Variants in UBIAD1 observed in about 807,000 individuals in gnomAD.
The protein encoded by UBIAD1 is UbiA prenyltransferase domain containing 1.
Under a neutral mutation model 20.1 loss-of-function variants are expected in UBIAD1, and 12 were observed. The ratio of observed to expected loss-of-function variants is 0.60; its 90% CI spans 0.38 to 0.97. The LOEUF is 0.97. UBIAD1 is among the 50% of genes least tolerant of loss of function. The pLI is 0.00. For synonymous variants in UBIAD1, 207 were observed against 189.2 expected, an observed-to-expected ratio of 1.09 and a Z score of -0.77; for missense variants, 333 against 419.5, an observed-to-expected ratio of 0.79 and a Z score of 1.80.
chr1:11,292,027 G>C (rs1010009328), downstream of UBIAD1: 9 of 151,702 alleles, frequency 5.9e-5, no homozygotes. Context: ...TTTTGAGACG[G>C]AGTTTCGCTC....
intron 1 of UBIAD1, among the ~76,000 whole-genome samples, chr1:11,276,525 G>A (rs753813580): frequency 4.0e-5 from 6 of 151,740 alleles, no homozygotes; most frequent in Admixed American, 1.3e-4. Context: ...TTAGCCAGGC[G>A]TGGTGGCATG....
In UBIAD1 at chr1:11,274,122, T is replaced by A. The variant is rs1651904002; in HGVS notation, c.529+62T>A. 9 of 1,600,424 alleles carry A rather than the reference T, an allele frequency of 5.6e-6. No individual in the cohort carries two copies. The Admixed American group carries it at 1.0e-4, about 18-fold the overall frequency. ...GTCGCGTCCACTGGAAACCGCTGCT[T>A]TGTAAAGGAGTTATAGGGATGTCAA... On this transcript the variant is annotated intron_variant, in intron 1 of 1. Coordinates refer to ENST00000376810, the MANE Select transcript of UBIAD1 (RefSeq NM_013319.3).
At chr1:11,296,547 C>G (rs1197437497), downstream of UBIAD1, among the ~76,000 whole-genome samples, 3 of 152,180 alleles carry the variant, frequency 2.0e-5, no homozygotes, top group African/African-American at 7.2e-5. Flanking sequence ...GAGACAGGAT[C>G]TCACTCTGTA....
At chr1:11,289,101 T>C (rs989242972), downstream of UBIAD1, among the ~76,000 whole-genome samples, 1 of 152,148 alleles carries the variant, frequency 6.6e-6, no homozygotes, top group Non-Finnish European at 1.5e-5. Flanking sequence ...CATTGGACAA[T>C]ATATCCTATG....
At chr1:11,278,395 C>T (rs1652129249) in intron 1 of UBIAD1, among the ~76,000 whole-genome samples, 1 of 152,142 alleles carries the variant, frequency 6.6e-6, no homozygotes, top group Admixed American at 6.5e-5. Flanking sequence ...ATGACAGTAC[C>T]TTAACAAGAG....
chr1:11,286,093 A>G lies in UBIAD1; in HGVS notation c.979A>G (p.Ile327Val), dbSNP rs1638258394. The G allele has an allele frequency of 6.2e-7, 1 of 1,614,222 alleles. No individual in the cohort carries two copies. Among genetic ancestry groups the G allele is most frequent in the Non-Finnish European group, 8.5e-7 (1 of 1,180,044 alleles). Residue 327 changes from isoleucine (I) to valine (V), a missense_variant, in exon 2 of 2, where the codon ATC (isoleucine) becomes GTC (valine). This residue lies in a region of UBIAD1 where 226 missense variants were observed against 263.5 expected (regional missense o/e 0.86). Transcript: ENST00000376810. The stretch of plus-strand genomic sequence containing the variant: ...GCTGGGACTTTTCTATGTCTTTGGC[A>G]TCATTCTGGCACCAGCAGGCAGTCT... ...LLLGLFYVFGIILAPAGSLPK... is the reference protein window; with the variant it reads ...LLLGLFYVFGVILAPAGSLPK...
At chr1:11,296,939 G>A (rs1638458235), downstream of UBIAD1, among the ~76,000 whole-genome samples, 1 of 152,208 alleles carries the variant, frequency 6.6e-6, no homozygotes, top group South Asian at 2.1e-4. Context: ...ACTCAGCACA[G>A]TGCCTGGTAC....
downstream of UBIAD1, chr1:11,288,494 G>A (rs1638310446): frequency 6.6e-6 from 1 of 152,190 alleles, no homozygotes; most frequent in Admixed American, 6.5e-5. Flanking sequence ...TGTGAACTCT[G>A]ATTTGTAAAT....
chr1:11,291,081 T>C (rs550628889), downstream of UBIAD1, among the ~76,000 whole-genome samples: 102 of 152,324 alleles, frequency 6.7e-4, no homozygotes, highest in African/African-American at 2.4e-3. Context: ...GAGCTAGAAT[T>C]TAATATGATC....
intron 1 of UBIAD1, among the ~76,000 whole-genome samples, chr1:11,279,569 A>G (rs912922762): frequency 2.6e-5 from 4 of 152,122 alleles, no homozygotes; most frequent in South Asian, 2.1e-4. Flanking sequence ...GGCGTCTGCC[A>G]CCATGCCTGG....
At chr1:11,279,156 GC>G in intron 1 of UBIAD1, 1 of 223,748 alleles carries the variant, frequency 4.5e-6, no homozygotes. Context: ...GAACTGCCAT[GC>G]CCGGCCTATA....
At position 11,287,536 on chromosome 1, in the gene UBIAD1, A is replaced by T. The variant is rs1381252889; in HGVS notation, c.*1405A>T. ...TTAAGGTCATGGCCTGCAGAAAATG[A>T]TGTAAGAACTAGTTCTTAATCTTTC... On this transcript the variant is annotated 3_prime_UTR_variant, in exon 2 of 2. Coordinates refer to ENST00000376810, the MANE Select transcript of UBIAD1 (RefSeq NM_013319.3). The T allele has an allele frequency of 6.6e-6, 1 of 152,230 alleles. No homozygotes were observed. The highest frequency in any genetic ancestry group is 1.5e-5 in the Non-Finnish European group (1 of 68,048). 9.4% of individuals were successfully genotyped at this position (152,230 alleles called of 1,614,324 possible).
intron 1 of UBIAD1, chr1:11,278,802 C>CA: frequency 2.1e-6 from 1 of 486,716 alleles, no homozygotes; most frequent in Non-Finnish European, 3.8e-6. Flanking sequence ...ATTCTTGTTA[C>CA]AAATCTAACT....
chr1:11,277,279 C>T (rs867977290), intron 1 of UBIAD1, among the ~76,000 whole-genome samples: 2 of 144,768 alleles, frequency 1.4e-5, no homozygotes, highest in Non-Finnish European at 3.0e-5. Context: ...TGACAGTGTT[C>T]ATTGTACCTG....
At chr1:11,275,756 T>G (rs556777344) in intron 1 of UBIAD1, among the ~76,000 whole-genome samples, 4 of 151,700 alleles carry the variant, frequency 2.6e-5, no homozygotes, top group African/African-American at 9.7e-5. Flanking sequence ...AAGGTAGTAT[T>G]TGAGTTGAGT....
At chr1:11,279,564 CTG>C (rs1652176246) in intron 1 of UBIAD1, among the ~76,000 whole-genome samples, 2 of 152,144 alleles carry the variant, frequency 1.3e-5, no homozygotes, top group South Asian at 4.1e-4. Flanking sequence ...TTACAGGCGT[CTG>C]CCACCATGCC....
intron 1 of UBIAD1, among the ~76,000 whole-genome samples, chr1:11,282,644 A>G (rs974348179): frequency 1.3e-5 from 2 of 148,440 alleles, no homozygotes; most frequent in African/African-American, 2.5e-5. Flanking sequence ...GCTCACTGCA[A>G]CCTCTGCCTC....
chr1:11,298,464 G>A, downstream of UBIAD1, among the ~76,000 whole-genome samples: 1 of 152,002 alleles, frequency 6.6e-6, no homozygotes, highest in East Asian at 2.0e-4. The surrounding 1 kb of genome is among the most constrained non-coding windows in gnomAD (Gnocchi z 4.0). Context: ...CTACTCCGGA[G>A]GCTGAGGCAG....
rs2101012805 is a variant in UBIAD1, at chr1:11,273,910, G to T, written c.379G>T (p.Glu127Ter). The T allele has an allele frequency of 6.2e-7, 1 of 1,614,228 alleles. No individual in the cohort carries two copies. Among genetic ancestry groups the T allele is most frequent in the South Asian group, 1.1e-5 (1 of 91,080 alleles). The part of the protein sequence containing the change: ...DDRTLVDRIL[E>*]PQDVVRFGVF... ...CAGGACACTTGTGGACCGAATCTTG[G>T]AGCCGCAGGATGTCGTCCGGTTCGG... is the stretch of plus-strand genomic sequence containing the variant. The change falls in exon 1 of 2, where the codon GAG becomes TAG. Residue 127 changes from glutamate (E) to a stop codon, truncating the protein, a stop_gained. Coordinates refer to ENST00000376810, the MANE Select transcript of UBIAD1 (RefSeq NM_013319.3). LOFTEE classifies it high-confidence loss of function. This position sits in a 1 kb window ranked among gnomAD's most constrained non-coding sequence, Gnocchi z 4.9.
Sources: gnomAD v4.1 joint callset for allele counts (sites outside exome capture counted in the v4.1 genomes callset) on GRCh38, gnomAD v4.1.1 for gene constraint, gnomAD v4.1.1 regional missense constraint, Gnocchi (gnomAD v3.1) non-coding constraint, MANE v1.5 for transcripts, NCBI Gene and HGNC (gene_info 2026-07-23, HGNC 2026-07-21) for gene names.